Variants in GAS2 observed in about 807,000 individuals in gnomAD.
The protein encoded by GAS2 is growth arrest-specific protein 2.
GAS2 carries 20 observed loss-of-function variants against 37.5 expected under a neutral mutation model. The observed-to-expected ratio is 0.53, with a 90% CI of 0.37 to 0.77. The LOEUF is 0.77. Among genes scored for constraint, GAS2 ranks in the 30% least tolerant of loss-of-function variants. The probability of loss-of-function intolerance (pLI) is 0.00; values close to 1 mark genes in which losing one functional copy is unlikely to be tolerated. For synonymous variants in GAS2, 144 were observed against 132.2 expected (o/e 1.09, Z -0.61); for missense variants, 336 against 373.4 (o/e 0.90, Z 0.82).
chr11:22,736,722 G>T (rs994899736), intron 4 of GAS2, among the ~76,000 whole-genome samples: 1 of 151,972 alleles, frequency 6.6e-6, no homozygotes, highest in Non-Finnish European at 1.5e-5. Flanking sequence ...AAGCAATATT[G>T]CTCTTTTTCT....
At chr11:22,709,416 T>C (rs954016392) in intron 3 of GAS2, among the ~76,000 whole-genome samples, 2 of 152,172 alleles carry the variant, frequency 1.3e-5, no homozygotes, top group Non-Finnish European at 2.9e-5. Flanking sequence ...ATTAAATTAA[T>C]TGAAGATAAG....
At chr11:22,784,142 A>G (rs559306363) in intron 7 of GAS2, among the ~76,000 whole-genome samples, 40 of 152,226 alleles carry the variant, frequency 2.6e-4, no homozygotes, top group African/African-American at 9.6e-4. Context: ...TTTTGGTTTC[A>G]TATGAATTTC....
At chr11:22,700,704 G>A (rs1056558042) in intron 3 of GAS2, among the ~76,000 whole-genome samples, 5 of 152,096 alleles carry the variant, frequency 3.3e-5, no homozygotes, top group African/African-American at 9.7e-5. Context: ...ATATCCAATG[G>A]TTCATTCAGT....
intron 7 of GAS2, among the ~76,000 whole-genome samples, chr11:22,795,959 A>G (rs1330917585): frequency 6.6e-6 from 1 of 152,156 alleles, no homozygotes; most frequent in African/African-American, 2.4e-5. Context: ...TTTTCCTCCA[A>G]TATTTTACTG....
chr11:22,707,952 C>T (rs560847614), intron 3 of GAS2, among the ~76,000 whole-genome samples: 1 of 152,132 alleles, frequency 6.6e-6, no homozygotes, highest in East Asian at 1.9e-4. Context: ...ACAGGAAGAT[C>T]GTTGGGTAAA....
intron 3 of GAS2, among the ~76,000 whole-genome samples, chr11:22,717,471 T>A (rs951440879): frequency 2.0e-5 from 3 of 152,020 alleles, no homozygotes; most frequent in African/African-American, 7.2e-5. Context: ...TGGATCTCTG[T>A]CTCTCACCTT....
chr11:22,735,672 A>ATTTCTTC (rs1852714544), intron 4 of GAS2, among the ~76,000 whole-genome samples: 1 of 152,066 alleles, frequency 6.6e-6, no homozygotes, highest in Admixed American at 6.6e-5. Flanking sequence ...ATTTTTCTTC[A>ATTTCTTC]GAATGAATTT....
chr11:22,740,747 A>G (rs1262731777), intron 5 of GAS2, among the ~76,000 whole-genome samples: 3 of 152,228 alleles, frequency 2.0e-5, no homozygotes, highest in Non-Finnish European at 4.4e-5. Flanking sequence ...TTTTACTCCT[A>G]AATTTTGCCT....
chr11:22,775,281 T>C (rs1855199557), intron 7 of GAS2, among the ~76,000 whole-genome samples: 1 of 152,210 alleles, frequency 6.6e-6, no homozygotes, highest in Admixed American at 6.5e-5. Flanking sequence ...TCCACCGTTT[T>C]GGCTTGGAGA....
At chr11:22,756,215 G>A (rs1229156564) in intron 7 of GAS2, among the ~76,000 whole-genome samples, 1 of 151,982 alleles carries the variant, frequency 6.6e-6, no homozygotes, top group Non-Finnish European at 1.5e-5. Context: ...TTCCACTTGT[G>A]TTATGTTTTG....
At chr11:22,650,530 C>A (rs1416191429) in intron 1 of GAS2, among the ~76,000 whole-genome samples, 2 of 148,824 alleles carry the variant, frequency 1.3e-5, no homozygotes, top group Non-Finnish European at 3.0e-5. Flanking sequence ...TTAAAGTCTC[C>A]CATTATTAAT....
upstream of GAS2, among the ~76,000 whole-genome samples, chr11:22,664,685 G>A (rs986261175): frequency 2.6e-5 from 4 of 152,004 alleles, no homozygotes; most frequent in African/African-American, 9.7e-5. Context: ...ACTAAACTAA[G>A]AAAATACTTA....
At chr11:22,638,508 G>A (rs542730422) in intron 1 of GAS2, among the ~76,000 whole-genome samples, 2 of 152,046 alleles carry the variant, frequency 1.3e-5, no homozygotes, top group South Asian at 4.2e-4. Flanking sequence ...ACCACACCCA[G>A]CTAATTTTTG....
intron 7 of GAS2, among the ~76,000 whole-genome samples, chr11:22,763,304 C>A (rs1854495734): frequency 6.6e-6 from 1 of 152,136 alleles, no homozygotes; most frequent in Admixed American, 6.5e-5. Flanking sequence ...GGCACCAAAG[C>A]TCTGTTGCTA....
chr11:22,741,746 T>C (rs1853093769), intron 5 of GAS2, among the ~76,000 whole-genome samples: 1 of 152,184 alleles, frequency 6.6e-6, no homozygotes, highest in Admixed American at 6.5e-5. Flanking sequence ...TCATATACTT[T>C]CACATGGTTG....
In GAS2 at chr11:22,788,239, A is replaced by G. The variant is rs1470588517; in HGVS notation, c.724-23559A>G. Among the ~76,000 whole-genome samples the G allele has an allele frequency of 3.9e-5, 6 of 152,238 alleles. No homozygotes were observed. In the East Asian group the frequency reaches 1.2e-3, roughly 29 times the overall value. ...GGCCAAGAGACATGAGAAACAAGAA[A>G]TTATCACTGAGATTTAGAATATGAA... is the stretch of plus-strand genomic sequence containing the variant. On this transcript the variant is annotated intron_variant, in intron 7 of 7. Coordinates refer to ENST00000454584, the MANE Select transcript of GAS2 (RefSeq NM_001143830.3).
chr11:22,741,986 T>C (rs1260824083), intron 5 of GAS2, among the ~76,000 whole-genome samples: 1 of 152,098 alleles, frequency 6.6e-6, no homozygotes, highest in African/African-American at 2.4e-5. Flanking sequence ...TTTTCTAGTT[T>C]AGGCCTCAGT....
intron 2 of GAS2, among the ~76,000 whole-genome samples, chr11:22,683,356 C>G (rs980912032): frequency 6.6e-6 from 1 of 152,112 alleles, no homozygotes; most frequent in Non-Finnish European, 1.5e-5. Context: ...ACCTCCGCCT[C>G]CCAGGTTCAA....
chr11:22,647,644 G>A (rs1848717651), intron 1 of GAS2, among the ~76,000 whole-genome samples: 3 of 152,158 alleles, frequency 2.0e-5, no homozygotes, highest in Admixed American at 2.0e-4. Context: ...ATCTCATTGT[G>A]GTTTTGATTT....
Sources: allele counts gnomAD v4.1 joint callset (sites outside exome capture counted in the v4.1 genomes callset), GRCh38; gene constraint gnomAD v4.1.1; transcripts MANE v1.5; gene names NCBI Gene and HGNC (gene_info 2026-07-23, HGNC 2026-07-21).